The following NRXN1 variants were observed in gnomAD, a reference collection of about 807,000 sequenced individuals.
NRXN1 encodes the protein neurexin 1.
A neutral mutation model predicts 150.9 loss-of-function variants in NRXN1; 39 were observed. The observed-to-expected ratio is 0.26, with a 90% CI of 0.20 to 0.34. NRXN1 has a LOEUF of 0.34. Among genes scored for constraint, NRXN1 ranks in the 10% least tolerant of loss-of-function variants. NRXN1 has a pLI of 1.00. For missense variants in NRXN1, 1,815 were observed against 1,949.9 expected, an observed-to-expected ratio of 0.93 and a Z score of 1.30; for synonymous variants, 924 against 757.0, an observed-to-expected ratio of 1.22 and a Z score of -3.62.
chr2:50,201,921 T>G (rs1372828545), intron 18 of NRXN1, among the ~76,000 whole-genome samples: 1 of 152,198 alleles, frequency 6.6e-6, no homozygotes, highest in African/African-American at 2.4e-5. Context: ...TACCTGTATT[T>G]AAAAGTTTTC....
At chr2:50,644,880 T>TTATATATAAGGATATATAAATAAAAAA (rs1309751691) in intron 5 of NRXN1, among the ~76,000 whole-genome samples, 10 of 150,418 alleles carry the variant, frequency 6.6e-5, no homozygotes, top group African/African-American at 2.4e-4. Context: ...AAAAATGTAT[T>TTATATATAAGGATATATAAATAAAAAA]TATATTTCTT....
chr2:50,166,279 A>ATGTG (rs70946894), intron 18 of NRXN1, among the ~76,000 whole-genome samples: 7,213 of 131,452 alleles, frequency 0.055, 87 homozygotes, highest in Non-Finnish European at 0.071. Context: ...TACTCAACGT[A>ATGTG]TGTGTGTGTG....
At chr2:50,329,470 C>CA (rs544065780) in intron 17 of NRXN1, among the ~76,000 whole-genome samples, 141 of 150,506 alleles carry the variant, frequency 9.4e-4, no homozygotes, top group African/African-American at 3.2e-3. Context: ...GAGGAGAACT[C>CA]AGTTTGGCAG....
At chr2:49,982,384 G>C (rs1032324924) in intron 21 of NRXN1, among the ~76,000 whole-genome samples, 1 of 151,662 alleles carries the variant, frequency 6.6e-6, no homozygotes, top group Non-Finnish European at 1.5e-5. Flanking sequence ...TTTTCAGCTG[G>C]AGGGCTTAGC....
At position 50,373,680 on chromosome 2, in the gene NRXN1, A is replaced by AGG. The variant is rs1558620472; in HGVS notation, c.3364+91761_3364+91762insCC. 9.7e-4 allele frequency among the ~76,000 whole-genome samples: 38 copies of AGG among 39,002 alleles called. 1 individual carries two copies. The highest frequency in any genetic ancestry group is 5.6e-3 in the African/African-American group (34 of 6,056). 25.6% of individuals were successfully genotyped at this position (39,002 alleles called of 152,430 possible). A position where few individuals can be genotyped will look rare whatever the true frequency, so the allele number is the denominator to read the frequency against. On this transcript the variant is annotated intron_variant, in intron 17 of 22. Transcript: ENST00000401669. ...AAAGAAAGAAAGAAAGAAAGAAAGA[A>AGG]AAGAAAGAAGGAAAGAAAGAAAGAA... is the stretch of plus-strand genomic sequence containing the variant.
At chr2:50,731,120 T>C (rs770327827) in intron 5 of NRXN1, among the ~76,000 whole-genome samples, 13 of 152,208 alleles carry the variant, frequency 8.5e-5, no homozygotes, top group Non-Finnish European at 1.8e-4. Flanking sequence ...TGCTGTACTC[T>C]GATTTAATAG....
intron 5 of NRXN1, among the ~76,000 whole-genome samples, chr2:50,695,692 A>C (rs1692723916): frequency 1.3e-5 from 2 of 152,186 alleles, no homozygotes; most frequent in Admixed American, 6.5e-5. Context: ...ACACGGTAAT[A>C]AATGTCGACG....
At chr2:50,730,348 C>G (rs1446631769) in intron 5 of NRXN1, among the ~76,000 whole-genome samples, 2 of 152,006 alleles carry the variant, frequency 1.3e-5, no homozygotes, top group Non-Finnish European at 1.5e-5. Flanking sequence ...TCATTATAGC[C>G]ACAATAAAAT....
In NRXN1 at chr2:50,571,618, G is replaced by T. The variant is rs116560514; in HGVS notation, c.1321-18593C>A. On this transcript the variant is annotated intron_variant, in intron 8 of 22. Coordinates refer to ENST00000401669, the MANE Select transcript of NRXN1 (RefSeq NM_001330078.2). ...AGTACATAGTGAGATCATAAAATGA[G>T]ATTTTTTTTTTTGGTTTGAAAAATT... 4.8e-3 allele frequency among the ~76,000 whole-genome samples: 723 copies of T among 149,574 alleles called. 8 individuals carry two copies. Among genetic ancestry groups the T allele is most frequent in the African/African-American group, 0.016 (661 of 40,836 alleles).
chr2:50,998,627 T>C (rs1699629829), intron 2 of NRXN1, among the ~76,000 whole-genome samples: 1 of 152,046 alleles, frequency 6.6e-6, no homozygotes, highest in South Asian at 2.1e-4. Flanking sequence ...GTTTAGAATA[T>C]GACACATATT....
chr2:49,968,476 A>G (rs571935706), intron 21 of NRXN1, among the ~76,000 whole-genome samples: 7 of 152,150 alleles, frequency 4.6e-5, no homozygotes, highest in Middle Eastern at 3.4e-3. Context: ...GAACAATAGG[A>G]AACAACCCCC....
At chr2:50,116,768 C>CA (rs1354610074) in intron 18 of NRXN1, among the ~76,000 whole-genome samples, 1 of 152,098 alleles carries the variant, frequency 6.6e-6, no homozygotes, top group African/African-American at 2.4e-5. Context: ...ATTTAAAAAA[C>CA]AAACAAACAA....
At chr2:50,643,716 C>G (rs760231498) in intron 5 of NRXN1, among the ~76,000 whole-genome samples, 3 of 151,800 alleles carry the variant, frequency 2.0e-5, no homozygotes, top group Non-Finnish European at 2.9e-5. Flanking sequence ...TATGTACTTA[C>G]ATCGATTTCT....
intron 8 of NRXN1, among the ~76,000 whole-genome samples, chr2:50,559,870 C>T (rs567831754): frequency 6.6e-6 from 1 of 152,048 alleles, no homozygotes; most frequent in Non-Finnish European, 1.5e-5. Context: ...TTGGTTTAAG[C>T]ACAAAGATGG....
At chr2:50,971,596 A>G (rs1008973415) in intron 2 of NRXN1, among the ~76,000 whole-genome samples, 1 of 152,004 alleles carries the variant, frequency 6.6e-6, no homozygotes, top group Non-Finnish European at 1.5e-5. Flanking sequence ...AAAAATTAAT[A>G]AAATAAAAAA....
chr2:50,903,488 G>T (rs1683230470), intron 5 of NRXN1, among the ~76,000 whole-genome samples: 1 of 152,104 alleles, frequency 6.6e-6, no homozygotes, highest in Non-Finnish European at 1.5e-5. Flanking sequence ...GAAGTATTCT[G>T]GGGGAGGTGT....
chr2:50,264,708 C>T (rs2068658172), intron 17 of NRXN1, among the ~76,000 whole-genome samples: 1 of 152,002 alleles, frequency 6.6e-6, no homozygotes, highest in Admixed American at 6.6e-5. Flanking sequence ...AGTTATATGT[C>T]AATTTTCTTA....
intron 16 of NRXN1, 72 bp downstream of exon 16, chr2:50,472,225 GA>G: frequency 7.7e-7 from 1 of 1,294,276 alleles, no homozygotes; most frequent in East Asian, 2.6e-5. Flanking sequence ...AATTTTGCTG[GA>G]CAGTGAGATT....
At chr2:50,125,612 G>T (rs1704470116) in intron 18 of NRXN1, among the ~76,000 whole-genome samples, 1 of 152,036 alleles carries the variant, frequency 6.6e-6, no homozygotes, top group Non-Finnish European at 1.5e-5. Context: ...AAAACATTAA[G>T]ATCTTGGCTT....
Sources: gnomAD v4.1 joint callset for allele counts (sites outside exome capture counted in the v4.1 genomes callset) on GRCh38, gnomAD v4.1.1 for gene constraint, MANE v1.5 for transcripts, NCBI Gene and HGNC (gene_info 2026-07-23, HGNC 2026-07-21) for gene names.